The following UGT1A8 variants were observed in gnomAD, a reference collection of about 807,000 sequenced individuals.
The protein encoded by UGT1A8 is UDP glucuronosyltransferase family 1 member A8, also known as UDP-glucuronosyltransferase 1A8.
UGT1A8 carries 39 observed loss-of-function variants against 45.3 expected under a neutral mutation model. The ratio of observed to expected loss-of-function variants is 0.86; its 90% CI spans 0.67 to 1.12. The LOEUF (loss-of-function observed/expected upper bound fraction) is 1.12, where lower values mean the gene tolerates loss of function less well. Among genes scored for constraint, UGT1A8 ranks in the 50% most tolerant of loss-of-function variants. The pLI is 0.00. For missense variants in UGT1A8, 719 were observed against 664.9 expected (o/e 1.08, Z -0.90); for synonymous variants, 275 against 249.2 (o/e 1.10, Z -0.97).
chr2:233,675,678 T>C (rs2602381), intron 1 of UGT1A8, among the ~76,000 whole-genome samples: 74,805 of 152,012 alleles, frequency 0.49, 18,911 homozygotes, highest in South Asian at 0.57. Flanking sequence ...CTCAGTGTAA[T>C]GAGCACCCAC....
intron 1 of UGT1A8, chr2:233,743,449 G>C (rs771301493): frequency 7.3e-7 from 1 of 1,365,064 alleles, no homozygotes; most frequent in South Asian, 1.1e-5. Flanking sequence ...TGTATCAAAA[G>C]AAGAAAAAAC....
chr2:233,692,889 G>C (rs539010798), intron 1 of UGT1A8: 13 of 1,521,482 alleles, frequency 8.5e-6, no homozygotes, highest in African/African-American at 8.3e-5. Flanking sequence ...CAGAGCAAGG[G>C]AGAGGTAGAC....
At chr2:233,662,449 G>A (rs1183567633) in intron 1 of UGT1A8, among the ~76,000 whole-genome samples, 2 of 152,098 alleles carry the variant, frequency 1.3e-5, no homozygotes, top group African/African-American at 4.8e-5. Context: ...ATGTTCATGA[G>A]TAACCATTTA....
chr2:233,718,574 C>T (rs1436667300), intron 1 of UGT1A8, among the ~76,000 whole-genome samples: 1 of 152,174 alleles, frequency 6.6e-6, no homozygotes, highest in Non-Finnish European at 1.5e-5. Context: ...CTTGGATGTT[C>T]CCCAGAGGCA....
rs952299246 is a variant in UGT1A8 at position 233,634,736 on chromosome 2, G to T, written c.855+16174G>T. The stretch of plus-strand genomic sequence containing the variant: ...GGTCTTCTGAATGCAGCACACTGAT[G>T]GGTCTTGACTGTTTATCCAATTTGC... On this transcript the variant is annotated intron_variant, in intron 1 of 4. Coordinates refer to ENST00000373450, the MANE Select transcript of UGT1A8 (RefSeq NM_019076.5). 4.3e-5 allele frequency among the ~76,000 whole-genome samples: 6 copies of T among 141,084 alleles called. No homozygotes were observed. In the Admixed American group the frequency reaches 4.4e-4, roughly 10 times the overall value. The allele number at this position is 141,084 out of a possible 152,430, so 92.6% of individuals were successfully genotyped here. A position where few individuals can be genotyped will look rare whatever the true frequency, so the allele number is the denominator to read the frequency against.
intron 1 of UGT1A8, chr2:233,717,747 C>G (rs1435136847): frequency 4.4e-6 from 2 of 456,422 alleles, no homozygotes; most frequent in Non-Finnish European, 8.8e-6. Flanking sequence ...CTCAGGGTCT[C>G]CCCCTAGAAA....
chr2:233,682,265 A>G, intron 1 of UGT1A8: 1 of 1,614,180 alleles, frequency 6.2e-7, no homozygotes. Flanking sequence ...TTCTCTATTA[A>G]CAAGTTCATC....
intron 1 of UGT1A8, among the ~76,000 whole-genome samples, chr2:233,695,847 GT>G (rs912081326): frequency 5.5e-4 from 84 of 152,232 alleles, no homozygotes; most frequent in African/African-American, 1.8e-3. Flanking sequence ...GGTTTTTCCT[GT>G]TTTCTCACTC....
chr2:233,665,739 A>G (rs756925611), intron 1 of UGT1A8, among the ~76,000 whole-genome samples: 5 of 152,246 alleles, frequency 3.3e-5, no homozygotes, highest in African/African-American at 1.2e-4. Context: ...ATATAATAAT[A>G]TACAGAAAAT....
intron 1 of UGT1A8, chr2:233,690,539 A>C (rs1032041279): frequency 7.8e-7 from 1 of 1,289,414 alleles, no homozygotes; most frequent in Non-Finnish European, 1.0e-6. Context: ...CTTTCACCCC[A>C]CTGGAATATG....
chr2:233,665,794 A>C (rs1421001374), intron 1 of UGT1A8, among the ~76,000 whole-genome samples: 1 of 152,214 alleles, frequency 6.6e-6, no homozygotes, highest in African/African-American at 2.4e-5. Flanking sequence ...CTTATGGATA[A>C]ATACCCAACA....
At chr2:233,699,830 A>G (rs549503068) in intron 1 of UGT1A8, among the ~76,000 whole-genome samples, 1 of 152,280 alleles carries the variant, frequency 6.6e-6, no homozygotes, top group Non-Finnish European at 1.5e-5. Context: ...TCTCAAATAG[A>G]ACTAATTTTT....
At chr2:233,695,439 T>C (rs572772091) in intron 1 of UGT1A8, among the ~76,000 whole-genome samples, 14 of 152,046 alleles carry the variant, frequency 9.2e-5, no homozygotes, top group African/African-American at 3.4e-4. Context: ...CTTCTTCTTT[T>C]TTTTTTGATC....
intron 1 of UGT1A8, among the ~76,000 whole-genome samples, chr2:233,664,094 G>A (rs2074029040): frequency 6.6e-6 from 1 of 152,150 alleles, no homozygotes; most frequent in South Asian, 2.1e-4. Context: ...ACTCAATGCA[G>A]CCAAGTTCTT....
intron 1 of UGT1A8, among the ~76,000 whole-genome samples, chr2:233,725,264 G>GGAGGCA (rs551912265): frequency 0.04 from 2,355 of 58,498 alleles, 627 homozygotes; most frequent in African/African-American, 0.084. Flanking sequence ...CAGAGGCAGA[G>GGAGGCA]GAGGCAGAGG....
intron 1 of UGT1A8, among the ~76,000 whole-genome samples, chr2:233,701,088 A>T (rs1483138607): frequency 6.6e-6 from 1 of 152,152 alleles, no homozygotes; most frequent in Non-Finnish European, 1.5e-5. Context: ...CATGGTGTAT[A>T]TGTGCCACAT....
At chr2:233,649,150 A>C in intron 1 of UGT1A8, 1 of 579,510 alleles carries the variant, frequency 1.7e-6, no homozygotes, top group Non-Finnish European at 2.5e-6. Flanking sequence ...CTGTGTAAAA[A>C]ATTATTTTGT....
At chr2:233,636,338 C>T in intron 1 of UGT1A8, 1 of 1,095,150 alleles carries the variant, frequency 9.1e-7, no homozygotes, top group Non-Finnish European at 1.2e-6. Flanking sequence ...GGTATCTCAG[C>T]AAATGATACT....
intron 1 of UGT1A8, among the ~76,000 whole-genome samples, chr2:233,735,346 T>C (rs559111340): frequency 6.6e-6 from 1 of 152,212 alleles, no homozygotes; most frequent in Non-Finnish European, 1.5e-5. Flanking sequence ...GCTTTTTTTT[T>C]GCTTTCCATT....
Sources: allele counts gnomAD v4.1 joint callset (sites outside exome capture counted in the v4.1 genomes callset), GRCh38; gene constraint gnomAD v4.1.1; transcripts MANE v1.5; gene names NCBI Gene and HGNC (gene_info 2026-07-23, HGNC 2026-07-21).